The following SHANK2 variants were observed in gnomAD, a reference collection of about 807,000 sequenced individuals.
SHANK2 encodes SH3 and multiple ankyrin repeat domains protein 2.
In SHANK2, 43 loss-of-function variants were observed where a neutral mutation model predicts 133.7. The ratio of observed to expected loss-of-function variants is 0.32; its 90% CI spans 0.25 to 0.41. The LOEUF (loss-of-function observed/expected upper bound fraction) is 0.41. Among genes scored for constraint, SHANK2 ranks in the 10% least tolerant of loss-of-function variants. The pLI, the probability that SHANK2 is intolerant of heterozygous loss-of-function variation, is 1.00. For missense variants in SHANK2, 1,994 were observed against 2,235.8 expected, an observed-to-expected ratio of 0.89 and a Z score of 2.18; for synonymous variants, 1,017 against 952.8, an observed-to-expected ratio of 1.07 and a Z score of -1.24.
Position 70,473,393 on chromosome 11 carries a change from C to T in SHANK2, c.5026G>A (p.Val1676Ile). 1 of 1,608,824 alleles carries T rather than the reference C, an allele frequency of 6.2e-7. No individual in the cohort carries two copies. The highest frequency in any genetic ancestry group is 8.5e-7 in the Non-Finnish European group (1 of 1,179,990). ...GTGCCGGGGCGAACAGTGAAGGTGA[C>T]CGTCGTGCTCCGTGTACCTGAGATG... Reference protein sequence around the residue: ...STISGTRSTTVTFTVRPGTSQ... With the variant: ...STISGTRSTTITFTVRPGTSQ... The change falls in exon 26 of 26, where the codon GTC becomes ATC. Residue 1676 changes from valine (V) to isoleucine (I), a missense_variant. Transcript: ENST00000601538. This position sits in a 1 kb window ranked among gnomAD's most constrained non-coding sequence, Gnocchi z 5.9.
Position 71,070,041 on chromosome 11 carries a change from G to A in SHANK2, c.1029+5118C>T, listed in dbSNP as rs1033463151. On this transcript the variant is annotated intron_variant, in intron 9 of 25. Coordinates refer to ENST00000601538, the MANE Select transcript of SHANK2 (RefSeq NM_012309.5). Reference sequence around the variant, plus strand: ...AGGTGTTCAAATGGTGACTCAGGAAGGAAAGAAGCTTTGGGTCAAGTACAA... The same window carrying A: ...AGGTGTTCAAATGGTGACTCAGGAAAGAAAGAAGCTTTGGGTCAAGTACAA... Among the ~76,000 whole-genome samples, 267 of 152,360 alleles carry A rather than the reference G, an allele frequency of 1.8e-3. 2 individuals are homozygous for A. Among genetic ancestry groups the A allele is most frequent in the African/African-American group, 6.0e-3 (251 of 41,582 alleles).
chr11:70,578,533 C>G (rs2060145399), intron 17 of SHANK2, among the ~76,000 whole-genome samples: 1 of 152,150 alleles, frequency 6.6e-6, no homozygotes, highest in South Asian at 2.1e-4. Flanking sequence ...AGGCCCACAT[C>G]CTTCATTTGC....
intron 1 of SHANK2, among the ~76,000 whole-genome samples, chr11:71,250,537 C>T (rs1555125671): frequency 6.6e-6 from 1 of 152,224 alleles, no homozygotes; most frequent in Non-Finnish European, 1.5e-5. Flanking sequence ...TAACACTGAA[C>T]CCAGATGGGG....
intron 11 of SHANK2, among the ~76,000 whole-genome samples, chr11:70,853,688 C>T (rs1010769016): frequency 4.6e-5 from 7 of 152,130 alleles, no homozygotes; most frequent in Non-Finnish European, 7.4e-5. Context: ...CTGCCGTGAC[C>T]GCTTAATACA....
intron 14 of SHANK2, among the ~76,000 whole-genome samples, chr11:70,729,124 G>C (rs1436948203): frequency 2.6e-5 from 4 of 151,174 alleles, no homozygotes; most frequent in African/African-American, 4.9e-5. Context: ...GAATCACTTG[G>C]ACCCAGGAGG....
rs148597289 is a variant in SHANK2, at chr11:70,529,299, C to T, written c.2062-26368G>A. On this transcript the variant is annotated intron_variant, in intron 17 of 25. Transcript: ENST00000601538. ...CTGTCAGCAGCCACTACTGCATCCCCATCTTCCAGATGGGAGGCTGGGCCC... is the reference window on the plus strand; with the variant it reads ...CTGTCAGCAGCCACTACTGCATCCCTATCTTCCAGATGGGAGGCTGGGCCC... Among the ~76,000 whole-genome samples the T allele has an allele frequency of 1.9e-3, 289 of 152,358 alleles. 1 individual carries two copies. The highest frequency in any genetic ancestry group is 6.3e-3 in the African/African-American group (263 of 41,596).
intron 17 of SHANK2, among the ~76,000 whole-genome samples, chr11:70,617,951 CACGTTGTGCACATGT>C (rs1216680792): frequency 3.9e-5 from 6 of 151,986 alleles, no homozygotes; most frequent in African/African-American, 1.5e-4. Context: ...AACAAACCTG[CACGTTGTGCACATGT>C]ACCCTAAAAC....
At chr11:71,194,814 A>T (rs1345570958) in intron 2 of SHANK2, among the ~76,000 whole-genome samples, 1 of 152,202 alleles carries the variant, frequency 6.6e-6, no homozygotes, top group African/African-American at 2.4e-5. Flanking sequence ...GCCCTCTGCA[A>T]ATCACAGAAG....
chr11:70,742,654 C>T lies in SHANK2; in HGVS notation c.1778-43891G>A, dbSNP rs534979108. ...ATGACAGAGAGGCAGGCCCAGGACG[C>T]GGAATGAATGTCAGCACTAATCTGT... On this transcript the variant is annotated intron_variant, in intron 14 of 25. Coordinates refer to ENST00000601538, the MANE Select transcript of SHANK2 (RefSeq NM_012309.5). Among the ~76,000 whole-genome samples, 5 of 152,276 alleles carry T rather than the reference C, an allele frequency of 3.3e-5. No individual in the cohort carries two copies. In the South Asian group the frequency reaches 6.2e-4, roughly 19 times the overall value.
At chr11:70,737,541 G>A (rs781944461) in intron 14 of SHANK2, among the ~76,000 whole-genome samples, 11 of 152,154 alleles carry the variant, frequency 7.2e-5, no homozygotes, top group Non-Finnish European at 1.3e-4. Context: ...AGACATCCCT[G>A]GCCACCTCCA....
At chr11:70,692,138 A>T (rs906964393) in intron 15 of SHANK2, among the ~76,000 whole-genome samples, 23 of 152,178 alleles carry the variant, frequency 1.5e-4, no homozygotes, top group African/African-American at 5.6e-4. Context: ...AAATAAGAAA[A>T]AATATATAAA....
At chr11:70,770,936 TTTTTTTTTG>T (rs1947236762) in intron 14 of SHANK2, among the ~76,000 whole-genome samples, 1 of 137,692 alleles carries the variant, frequency 7.3e-6, no homozygotes, top group Non-Finnish European at 1.6e-5. Flanking sequence ...TTTTTTTTTT[TTTTTTTTTG>T]ACAGGGTCTC....
At chr11:70,902,471 A>T (rs967236954) in intron 10 of SHANK2, among the ~76,000 whole-genome samples, 4 of 152,114 alleles carry the variant, frequency 2.6e-5, no homozygotes, top group African/African-American at 4.8e-5. Context: ...CAGAGCTGGG[A>T]TTTCTCGCTG....
intron 17 of SHANK2, among the ~76,000 whole-genome samples, chr11:70,549,055 C>T (rs782184559): frequency 3.9e-5 from 6 of 152,250 alleles, no homozygotes; most frequent in Middle Eastern, 3.4e-3. Flanking sequence ...CTGTCAGAGA[C>T]CACGCCTCTG....
At chr11:70,640,505 G>A (rs544143) in intron 17 of SHANK2, among the ~76,000 whole-genome samples, 21,955 of 152,228 alleles carry the variant, frequency 0.14, 1,670 homozygotes, top group East Asian at 0.27. Flanking sequence ...TGAACGCATC[G>A]CTGTTGTCTC....
At position 70,471,771 on chromosome 11, in the gene SHANK2, C is replaced by A; in HGVS notation, c.*1098G>T. On this transcript the variant is annotated 3_prime_UTR_variant, in exon 26 of 26. Coordinates refer to ENST00000601538, the MANE Select transcript of SHANK2 (RefSeq NM_012309.5). This position sits in a 1 kb window ranked among gnomAD's most constrained non-coding sequence, Gnocchi z 4.1. ...AGGACTGTCTCAGCAGAGATGCTCA[C>A]CCTTGGCTGGGCACAGAACTGAGGA... The A allele has an allele frequency of 5.5e-6, 1 of 183,210 alleles. No individual in the cohort carries two copies. The highest frequency in any genetic ancestry group is 1.1e-5 in the Non-Finnish European group (1 of 88,986). 11.3% of individuals were successfully genotyped at this position (183,210 alleles called of 1,614,324 possible).
chr11:70,807,901 C>T lies in SHANK2; in HGVS notation c.1494-730G>A, dbSNP rs1478875337. Among the ~76,000 whole-genome samples, 4 of 152,120 alleles carry T rather than the reference C, an allele frequency of 2.6e-5. No homozygotes were observed. In the East Asian group the frequency reaches 7.8e-4, roughly 29 times the overall value. Reference sequence around the variant, plus strand: ...CTTGGGGACACTGCTCAGTGAGATACACCAGACACAAAAGAACACAGACTG... The same window carrying T: ...CTTGGGGACACTGCTCAGTGAGATATACCAGACACAAAAGAACACAGACTG... On this transcript the variant is annotated intron_variant, in intron 12 of 25. Transcript: ENST00000601538. This position sits in a 1 kb window ranked among gnomAD's most constrained non-coding sequence, Gnocchi z 4.8.
At chr11:70,635,344 G>A (rs1303245033) in intron 17 of SHANK2, 2 of 152,232 alleles carry the variant, frequency 1.3e-5, no homozygotes, top group African/African-American at 4.8e-5. Flanking sequence ...ACAAAAGGTG[G>A]TGTTTCCGTA....
chr11:71,251,725 G>A (rs1233124515), intron 1 of SHANK2, among the ~76,000 whole-genome samples: 6 of 151,040 alleles, frequency 4.0e-5, no homozygotes, highest in African/African-American at 1.4e-4. Flanking sequence ...TCGGGCACCC[G>A]GCTGTGGCTC....
Sources: gnomAD v4.1 joint callset for allele counts (sites outside exome capture counted in the v4.1 genomes callset) on GRCh38, gnomAD v4.1.1 for gene constraint, Gnocchi (gnomAD v3.1) non-coding constraint, MANE v1.5 for transcripts, NCBI Gene and HGNC (gene_info 2026-07-23, HGNC 2026-07-21) for gene names.